The following LY75 variants were observed in gnomAD, a reference collection of about 807,000 sequenced individuals.
LY75 encodes the protein lymphocyte antigen 75, also known as C-type lectin domain family 13 member B.
A neutral mutation model predicts 231.7 loss-of-function variants in LY75; 185 were observed. The observed-to-expected ratio is 0.80, with a 90% confidence interval of 0.71 to 0.90. LY75 has a LOEUF of 0.90. LY75 is among the 40% of genes least tolerant of loss of function. The pLI is 0.00. For missense variants in LY75, 1,947 were observed against 2,050.2 expected, an observed-to-expected ratio of 0.95 and a Z score of 0.97; for synonymous variants, 668 against 689.0, an observed-to-expected ratio of 0.97 and a Z score of 0.48.
intron 28 of LY75, among the ~76,000 whole-genome samples, chr2:159,821,968 C>A (rs1178384193): frequency 2.6e-5 from 4 of 152,258 alleles, no homozygotes; most frequent in African/African-American, 7.2e-5. Context: ...CAAGGGAAGC[C>A]ATGAGGGACT....
chr2:159,834,241 A>G, intron 26 of LY75, 30 bp from the exon 27 acceptor site: 1 of 1,610,442 alleles, frequency 6.2e-7, no homozygotes, highest in African/African-American at 1.3e-5. Flanking sequence ...TAAGAATTCT[A>G]ATTTGAGATA....
chr2:159,806,050 A>AT (rs890804805), intron 34 of LY75, among the ~76,000 whole-genome samples: 2 of 152,104 alleles, frequency 1.3e-5, no homozygotes, highest in African/African-American at 4.8e-5. Context: ...GCTTGGCTTG[A>AT]TTTTTTAGAT....
chr2:159,865,072 A>G (rs1287049057), intron 13 of LY75, 152 bp from the exon 14 acceptor site: 1 of 555,730 alleles, frequency 1.8e-6, no homozygotes, highest in African/African-American at 2.0e-5. Flanking sequence ...AATGTGGGGT[A>G]GTTACAGAAA....
At chr2:159,818,315 T>A (rs1250797194) in intron 29 of LY75, among the ~76,000 whole-genome samples, 2 of 152,186 alleles carry the variant, frequency 1.3e-5, no homozygotes, top group Non-Finnish European at 2.9e-5. Flanking sequence ...TGATAAGTCA[T>A]ATGAATAGTA....
intron 28 of LY75, among the ~76,000 whole-genome samples, chr2:159,824,314 A>C (rs1390914684): frequency 6.6e-6 from 1 of 152,232 alleles, no homozygotes; most frequent in Non-Finnish European, 1.5e-5. Flanking sequence ...CAGAAGTTGC[A>C]ATCCTAATCT....
At chr2:159,872,301 G>T in intron 13 of LY75, 150 bp downstream of exon 13, 1 of 958,070 alleles carries the variant, frequency 1.0e-6, no homozygotes, top group Non-Finnish European at 1.5e-6. Flanking sequence ...AGTGCTTAAT[G>T]TTCCATGACT....
chr2:159,805,084 A>C lies in LY75; in HGVS notation c.5129T>G (p.Val1710Gly), dbSNP rs758903294. The change falls in exon 35 of 35, where the codon GTG (valine) becomes GGG (glycine). Residue 1710 changes from valine (V) to glycine (G), a missense_variant. Transcript: ENST00000263636. ...AGGAAGCATAATCTCATCTTCATTC[A>C]CTCCTTGTGCATATCGAACTGATGA... ...GFSSVRYAQG[V>G]NEDEIMLPSF... 4.3e-6 allele frequency: 7 copies of C among 1,613,936 alleles called. No individual in the cohort carries two copies. In the East Asian group the frequency reaches 1.6e-4, roughly 36 times the overall value.
intron 1 of LY75, among the ~76,000 whole-genome samples, chr2:159,901,291 C>T (rs1686070594): frequency 6.6e-6 from 1 of 152,226 alleles, no homozygotes; most frequent in South Asian, 2.1e-4. Context: ...AATAGCTACT[C>T]AGATCTCTGA....
intron 20 of LY75, 113 bp downstream of exon 20, chr2:159,853,160 T>G: frequency 9.0e-7 from 1 of 1,110,302 alleles, no homozygotes; most frequent in Non-Finnish European, 1.3e-6. Context: ...TAAATCAGAA[T>G]AAGATGAAAT....
intron 14 of LY75, among the ~76,000 whole-genome samples, chr2:159,864,275 G>C (rs569513140): frequency 6.6e-6 from 1 of 152,146 alleles, no homozygotes; most frequent in African/African-American, 2.4e-5. Context: ...GGTTTTTGTT[G>C]TCTGTGTTTT....
intron 25 of LY75, among the ~76,000 whole-genome samples, chr2:159,838,714 T>C (rs2125845569): frequency 6.6e-6 from 1 of 152,326 alleles, no homozygotes; most frequent in East Asian, 1.9e-4. Context: ...TGCAATGCTA[T>C]AAAACAATTG....
chr2:159,853,434 TC>T, intron 19 of LY75, 82 bp from the exon 20 acceptor site: 1 of 1,531,128 alleles, frequency 6.5e-7, no homozygotes, highest in Admixed American at 1.8e-5. Flanking sequence ...TTATTTTATT[TC>T]TAAATTTAAT....
At chr2:159,886,250 C>T (rs1249342555) in intron 5 of LY75, among the ~76,000 whole-genome samples, 170 bp downstream of exon 5, 3 of 152,118 alleles carry the variant, frequency 2.0e-5, no homozygotes, top group African/African-American at 7.2e-5. Context: ...TTCAGCTTGG[C>T]AATAACAGTA....
chr2:159,852,412 GTTTTT>G (rs36091128), intron 20 of LY75, 72 bp from the exon 21 acceptor site: 4 of 1,459,502 alleles, frequency 2.7e-6, no homozygotes, highest in Admixed American at 2.3e-5. Flanking sequence ...TGTTTTGTGT[GTTTTT>G]TTTTGTTTTT....
At chr2:159,824,755 A>ACAAACT (rs1166234944) in intron 28 of LY75, among the ~76,000 whole-genome samples, 1 of 151,078 alleles carries the variant, frequency 6.6e-6, no homozygotes, top group Non-Finnish European at 1.5e-5. Flanking sequence ...GGAAATCATA[A>ACAAACT]GTCTCTCATA....
chr2:159,835,743 T>C, intron 25 of LY75, 98 bp from the exon 26 acceptor site: 1 of 1,418,430 alleles, frequency 7.1e-7, no homozygotes, highest in Non-Finnish European at 9.4e-7. Flanking sequence ...TTAATTTTTT[T>C]AATATTTAAT....
chr2:159,819,574 C>T lies in LY75; in HGVS notation c.4153+152G>A, dbSNP rs185880329. On this transcript the variant is annotated intron_variant, in intron 29 of 34. Transcript: ENST00000263636. ...GGGTCAAAACCTTGACAGCAGGGCC[C>T]GTATCTTTTCCTTCCTCGATAACCT... 8.1e-4 allele frequency: 715 copies of T among 887,524 alleles called. 3 individuals carry two copies. The Middle Eastern group carries it at 0.019, about 23-fold the overall frequency. 55.0% of individuals were successfully genotyped at this position (887,524 alleles called of 1,614,324 possible). A position where few individuals can be genotyped will look rare whatever the true frequency, so the allele number is the denominator to read the frequency against.
chr2:159,886,729 A>G (rs1031153849), intron 4 of LY75, among the ~76,000 whole-genome samples, 199 bp from the exon 5 acceptor site: 2 of 152,204 alleles, frequency 1.3e-5, no homozygotes, highest in Non-Finnish European at 2.9e-5. Context: ...CCAAAGGCTG[A>G]TAAGTTAATT....
chr2:159,860,222 T>A (rs1684664681), intron 15 of LY75, among the ~76,000 whole-genome samples: 1 of 152,190 alleles, frequency 6.6e-6, no homozygotes, highest in Non-Finnish European at 1.5e-5. Context: ...TCAAGATGAA[T>A]CTTCCTCATA....
Sources: allele counts gnomAD v4.1 joint callset (sites outside exome capture counted in the v4.1 genomes callset), GRCh38; gene constraint gnomAD v4.1.1; transcripts MANE v1.5; gene names NCBI Gene and HGNC (gene_info 2026-07-23, HGNC 2026-07-21).